The following CHMP3 variants were observed in gnomAD, a reference collection of about 807,000 sequenced individuals.
CHMP3 encodes the protein charged multivesicular body protein 3, also known as 25.1 protein.
CHMP3 carries 8 observed loss-of-function variants against 27.4 expected under a neutral mutation model. That is an observed-to-expected ratio of 0.29 (90% CI 0.17 to 0.53). The LOEUF (loss-of-function observed/expected upper bound fraction) is 0.53, where lower values mean the gene tolerates loss of function less well. Ranked by LOEUF, CHMP3 falls within the 20% of genes least tolerant of loss-of-function variation. The pLI, the probability that CHMP3 is intolerant of heterozygous loss-of-function variation, is 0.96. For missense variants in CHMP3, 208 were observed against 271.5 expected (o/e 0.77, Z 1.64); for synonymous variants, 86 against 85.5 (o/e 1.01, Z -0.03).
At chr2:86,515,875 T>G (rs1298444776) in intron 3 of CHMP3, among the ~76,000 whole-genome samples, 1 of 152,126 alleles carries the variant, frequency 6.6e-6, no homozygotes, top group African/African-American at 2.4e-5. Flanking sequence ...AAAAAATTTT[T>G]GGCTGGGCAT....
At chr2:86,561,493 T>C (rs1230222863) in intron 1 of CHMP3, 1 of 152,214 alleles carries the variant, frequency 6.6e-6, no homozygotes, top group African/African-American at 2.4e-5. Flanking sequence ...CAAGACCTAC[T>C]GAATCAGATT....
At chr2:86,549,616 G>A (rs1367446079) in intron 1 of CHMP3, among the ~76,000 whole-genome samples, 1 of 147,174 alleles carries the variant, frequency 6.8e-6, no homozygotes, top group African/African-American at 2.5e-5. Flanking sequence ...CCGGGAAGAG[G>A]CACTCCTCAC....
intron 2 of CHMP3, among the ~76,000 whole-genome samples, chr2:86,534,525 C>G (rs928077977): frequency 3.3e-5 from 5 of 152,086 alleles, no homozygotes; most frequent in African/African-American, 1.2e-4. Flanking sequence ...GTTTTCCTAC[C>G]TAATTCCTAT....
chr2:86,535,087 T>C (rs1676073969), intron 2 of CHMP3, among the ~76,000 whole-genome samples: 1 of 151,994 alleles, frequency 6.6e-6, no homozygotes, highest in Admixed American at 6.6e-5. Context: ...TGAAACCCTG[T>C]CTCTACAAAA....
chr2:86,516,983 C>T (rs571594157), intron 3 of CHMP3, among the ~76,000 whole-genome samples: 5 of 152,216 alleles, frequency 3.3e-5, no homozygotes, highest in African/African-American at 1.2e-4. Context: ...TGAGATTGTA[C>T]TCTGGTTTTG....
chr2:86,518,864 A>C (rs1436009177), intron 3 of CHMP3, among the ~76,000 whole-genome samples: 2 of 152,216 alleles, frequency 1.3e-5, no homozygotes, highest in Non-Finnish European at 2.9e-5. Context: ...TAAAACATGA[A>C]AGTTAATCAT....
chr2:86,552,983 C>A (rs964148449), intron 1 of CHMP3, among the ~76,000 whole-genome samples: 11 of 141,240 alleles, frequency 7.8e-5, no homozygotes, highest in South Asian at 4.3e-4. Flanking sequence ...TGGAGGGCAA[C>A]AACACACACT....
At chr2:86,554,817 G>GTGTGTGTT (rs1677055451) in intron 1 of CHMP3, among the ~76,000 whole-genome samples, 1 of 97,444 alleles carries the variant, frequency 1.0e-5, no homozygotes, top group Admixed American at 8.8e-5. Flanking sequence ...GTGTGCGCGC[G>GTGTGTGTT]TGTGTGTGTG....
chr2:86,537,200 T>C (rs2103970399), intron 2 of CHMP3, among the ~76,000 whole-genome samples: 1 of 152,290 alleles, frequency 6.6e-6, no homozygotes. Context: ...ACTTGATAAT[T>C]TCAATTGCTC....
rs575556993 is a variant in CHMP3 at position 86,549,338 on chromosome 2, C to T, written c.46-7026G>A. ...CATTTCTCACTTCCCAGATGATGGG[C>T]GGCCGGGCAGAGACGCTCCTCACTT... On this transcript the variant is annotated intron_variant, in intron 1 of 5. Transcript: ENST00000263856. Among the ~76,000 whole-genome samples, 256 of 129,262 alleles carry T rather than the reference C, an allele frequency of 2.0e-3. 1 individual carries two copies. Among genetic ancestry groups the T allele is most frequent in the Middle Eastern group, 6.0e-3 (1 of 166 alleles). The allele number at this position is 129,262 out of a possible 152,430, so 84.8% of individuals were successfully genotyped here.
intron 1 of CHMP3, 62 bp from the exon 2 acceptor site, chr2:86,542,374 T>A: frequency 6.6e-7 from 1 of 1,504,770 alleles, no homozygotes; most frequent in South Asian, 1.2e-5. Context: ...CAATCTAATT[T>A]AAGAATTTTG....
intron 1 of CHMP3, among the ~76,000 whole-genome samples, chr2:86,554,812 C>CACGTGTGTGT: frequency 1.3e-5 from 1 of 77,890 alleles, no homozygotes; most frequent in East Asian, 7.9e-4. Context: ...AATGTGTGTG[C>CACGTGTGTGT]GCGCGTGTGT....
rs753746875 is a variant in CHMP3 at position 86,542,320 on chromosome 2, A to C, written c.46-8T>G. 10 of 1,612,980 alleles carry C rather than the reference A, an allele frequency of 6.2e-6. No individual in the cohort carries two copies. In the South Asian group the frequency reaches 6.6e-5, roughly 11 times the overall value. ...CAATGACCACTCATTGACCTGGGAA[A>C]ATTTTTAGAAAAGGAATGAGGAGAA... is the stretch of plus-strand genomic sequence containing the variant. On this transcript the variant is annotated splice_region_variant and splice_polypyrimidine_tract_variant and intron_variant, in intron 1 of 5. Transcript: ENST00000263856.
chr2:86,516,949 G>C (rs770344149), intron 3 of CHMP3, among the ~76,000 whole-genome samples: 2 of 152,144 alleles, frequency 1.3e-5, no homozygotes, highest in African/African-American at 2.4e-5. Flanking sequence ...TAGTTTGATT[G>C]CATCGATGGC....
chr2:86,557,563 T>C (rs1677174053), intron 1 of CHMP3, among the ~76,000 whole-genome samples: 1 of 152,200 alleles, frequency 6.6e-6, no homozygotes, highest in Non-Finnish European at 1.5e-5. Context: ...ATCACTCCTC[T>C]TGCATTCCAC....
Position 86,563,367 on chromosome 2 carries a change from T to C in CHMP3, c.-19A>G, listed in dbSNP as rs199862108. The C allele has an allele frequency of 6.6e-4, 1,060 of 1,613,246 alleles. 10 individuals carry two copies. The highest frequency in any genetic ancestry group is 1.1e-4 in the Non-Finnish European group (131 of 1,179,570). ...GCCCCATGACGAACTGAACCCGTCT[T>C]GCCCCTTCCGGCTTTCAGTTCCCCG... On this transcript the variant is annotated 5_prime_UTR_variant, in exon 1 of 6. Transcript: ENST00000263856.
chr2:86,545,457 T>C (rs6731025), intron 1 of CHMP3, among the ~76,000 whole-genome samples: 40,356 of 66,844 alleles, frequency 0.6, 13,569 homozygotes, highest in East Asian at 0.77. Flanking sequence ...CCCCACTTCC[T>C]GGACGGGGCG....
At chr2:86,524,929 T>A (rs1675641967) in intron 3 of CHMP3, among the ~76,000 whole-genome samples, 1 of 152,226 alleles carries the variant, frequency 6.6e-6, no homozygotes, top group African/African-American at 2.4e-5. Context: ...GTGAACCTTT[T>A]TCAGACCTCT....
chr2:86,544,342 T>TC (rs1676474338), intron 1 of CHMP3, among the ~76,000 whole-genome samples: 1 of 145,924 alleles, frequency 6.9e-6, no homozygotes, highest in African/African-American at 2.5e-5. Context: ...TACATTTTCT[T>TC]TTTTTTTTTT....
Sources: gnomAD v4.1 joint callset for allele counts (sites outside exome capture counted in the v4.1 genomes callset) on GRCh38, gnomAD v4.1.1 for gene constraint, MANE v1.5 for transcripts, NCBI Gene and HGNC (gene_info 2026-07-23, HGNC 2026-07-21) for gene names.